TTL: variants seen among roughly 807,000 people sequenced by gnomAD.
TTL encodes the protein tubulin tyrosine ligase.
TTL carries 10 observed loss-of-function variants against 41.1 expected under a neutral mutation model. The observed-to-expected ratio is 0.24, with a 90% CI of 0.15 to 0.41. The LOEUF (loss-of-function observed/expected upper bound fraction) is 0.41, where lower values mean the gene tolerates loss of function less well. Among genes scored for constraint, TTL ranks in the 10% least tolerant of loss-of-function variants. The pLI is 1.00. For missense variants in TTL, 367 were observed against 460.4 expected, an observed-to-expected ratio of 0.80 and a Z score of 1.86; for synonymous variants, 175 against 175.5, an observed-to-expected ratio of 1.00 and a Z score of 0.02.
rs1328857984 is a variant in TTL at position 112,530,438 on chromosome 2, T to C, written c.*1643T>C. 9 of 229,128 alleles carry C rather than the reference T, an allele frequency of 3.9e-5. No homozygotes were observed. The highest frequency in any genetic ancestry group is 6.1e-5 in the Non-Finnish European group (7 of 115,510). The allele number at this position is 229,128 out of a possible 1,614,324, so 14.2% of individuals were successfully genotyped here. On this transcript the variant is annotated 3_prime_UTR_variant, in exon 7 of 7. Transcript: ENST00000233336. ...GAATACAGATTTAAAAGTTTGCCTG[T>C]AGAGCAAAATAAAACAGTCAGTTGT...
chr2:112,490,410 C>A lies in TTL; in HGVS notation c.237-3733C>A, dbSNP rs575869990. Among the ~76,000 whole-genome samples the A allele has an allele frequency of 2.6e-5, 4 of 152,096 alleles. No homozygotes were observed. The South Asian group carries it at 8.3e-4, about 32-fold the overall frequency. On this transcript the variant is annotated intron_variant, in intron 2 of 6. Transcript: ENST00000233336. ...TCCAGCCTGGGCAACAGAACCAAAC[C>A]CTGTCTCGGATAAACAAACAAACAA...
Position 112,538,016 on chromosome 2 carries a change from T to A in TTL, c.*9221T>A, listed in dbSNP as rs1259791812. ...TTAAAAGAATTGAAATTATACTACATATGTTCTCTGACCATGTTGGAATAA... is the reference window on the plus strand; with the variant it reads ...TTAAAAGAATTGAAATTATACTACAAATGTTCTCTGACCATGTTGGAATAA... On this transcript the variant is annotated 3_prime_UTR_variant, in exon 7 of 7. Transcript: ENST00000233336. The A allele has an allele frequency of 6.6e-6, 1 of 152,246 alleles. No individual in the cohort carries two copies. The highest frequency in any genetic ancestry group is 2.4e-5 in the African/African-American group (1 of 41,460). 9.4% of individuals were successfully genotyped at this position (152,246 alleles called of 1,614,324 possible).
intron 5 of TTL, among the ~76,000 whole-genome samples, chr2:112,517,859 C>T (rs993788009): frequency 3.3e-5 from 5 of 151,436 alleles, no homozygotes; most frequent in Non-Finnish European, 1.5e-5. Context: ...TTGGGAGGAT[C>T]GCTTGAGCTC....
chr2:112,510,597 G>A (rs977097594), intron 5 of TTL, among the ~76,000 whole-genome samples: 1 of 151,556 alleles, frequency 6.6e-6, no homozygotes, highest in South Asian at 2.1e-4. Flanking sequence ...TCAGCCTCCC[G>A]TGTAGCTGGG....
At chr2:112,516,954 C>T (rs561440817) in intron 5 of TTL, among the ~76,000 whole-genome samples, 1 of 151,978 alleles carries the variant, frequency 6.6e-6, no homozygotes, top group African/African-American at 2.4e-5. Context: ...TGGAAGTTTG[C>T]GGCATCCTTT....
In TTL at chr2:112,482,538, AGCGGCCCTGCGCGCCTCCC is replaced by A. The variant is rs1681118994; in HGVS notation, c.157+45_157+63del. 3 of 1,562,840 alleles carry A rather than the reference AGCGGCCCTGCGCGCCTCCC, an allele frequency of 1.9e-6. No individual in the cohort carries two copies. The highest frequency in any genetic ancestry group is 1.7e-6 in the Non-Finnish European group (2 of 1,152,030). On this transcript the variant is annotated intron_variant, in intron 1 of 6. Coordinates refer to ENST00000233336, the MANE Select transcript of TTL (RefSeq NM_153712.5). The surrounding 1 kb of genome is among the most constrained non-coding windows in gnomAD (Gnocchi z 5.3). Reference sequence around the variant, plus strand: ...CCCGATTCCCGTCTGCCCTCCTCGGAGCGGCCCTGCGCGCCTCCCGCGGCCCGTTAGAACCGGCGCTTTT... The same window carrying A: ...CCCGATTCCCGTCTGCCCTCCTCGGAGCGGCCCGTTAGAACCGGCGCTTTT...
chr2:112,497,265 C>T (rs1488359487), intron 3 of TTL, among the ~76,000 whole-genome samples: 7 of 152,062 alleles, frequency 4.6e-5, no homozygotes, highest in Non-Finnish European at 1.5e-5. Flanking sequence ...ATCTTCCCAC[C>T]TCAAGCCTCC....
rs1333278428 is a variant in TTL, at chr2:112,482,935, C to T, written c.157+434C>T. Among the ~76,000 whole-genome samples the T allele has an allele frequency of 1.3e-5, 2 of 152,130 alleles. No individual in the cohort carries two copies. The highest frequency in any genetic ancestry group is 2.4e-5 in the African/African-American group (1 of 41,426). On this transcript the variant is annotated intron_variant, in intron 1 of 6. Coordinates refer to ENST00000233336, the MANE Select transcript of TTL (RefSeq NM_153712.5). The surrounding 1 kb of genome is among the most constrained non-coding windows in gnomAD (Gnocchi z 5.3). ...GCACTGAGGATTTCTCCCTGCTTGG[C>T]GTGGGCGCGGGCGGGGGAGCCGTAG... is the stretch of plus-strand genomic sequence containing the variant.
rs2104442263 is a variant in TTL, at chr2:112,482,510, C to T, written c.157+9C>T. 6.3e-7 allele frequency: 1 copy of T among 1,598,540 alleles called. No homozygotes were observed. Among genetic ancestry groups the T allele is most frequent in the Non-Finnish European group, 8.5e-7 (1 of 1,172,168 alleles). ...GCCCTTCGGGAGACTGGGTGAGCCC[C>T]TCCCCGATTCCCGTCTGCCCTCCTC... is the stretch of plus-strand genomic sequence containing the variant. On this transcript the variant is annotated intron_variant, in intron 1 of 6. Transcript: ENST00000233336. This position sits in a 1 kb window ranked among gnomAD's most constrained non-coding sequence, Gnocchi z 5.3.
chr2:112,529,532 G>C lies in TTL; in HGVS notation c.*737G>C, dbSNP rs1268571146. ...TTTACTTAATAGGTTGAATATGGTA[G>C]GTCTTTGAAAATATGATGATTCAAT... is the stretch of plus-strand genomic sequence containing the variant. On this transcript the variant is annotated 3_prime_UTR_variant, in exon 7 of 7. Transcript: ENST00000233336. The C allele has an allele frequency of 4.4e-6, 1 of 229,246 alleles. No individual in the cohort carries two copies. The highest frequency in any genetic ancestry group is 8.7e-6 in the Non-Finnish European group (1 of 115,408). The allele number at this position is 229,246 out of a possible 1,614,324, so 14.2% of individuals were successfully genotyped here. A position where few individuals can be genotyped will look rare whatever the true frequency, so the allele number is the denominator to read the frequency against.
chr2:112,495,088 C>A (rs1463064687), intron 3 of TTL, among the ~76,000 whole-genome samples: 2 of 152,180 alleles, frequency 1.3e-5, no homozygotes, highest in African/African-American at 4.8e-5. Context: ...TCCTTCTATC[C>A]TCAGCTTTGC....
At chr2:112,502,444 C>T (rs955377500) in intron 4 of TTL, among the ~76,000 whole-genome samples, 3 of 152,004 alleles carry the variant, frequency 2.0e-5, no homozygotes, top group Non-Finnish European at 2.9e-5. Flanking sequence ...TGAGACCAGC[C>T]TGGCTAACAT....
chr2:112,520,210 C>T (rs1270561154), intron 5 of TTL, 72 bp from the exon 6 acceptor site: 3 of 1,520,928 alleles, frequency 2.0e-6, no homozygotes, highest in South Asian at 1.1e-5. Flanking sequence ...TAAAATCTTT[C>T]AAGCACACCT....
rs1177444633 is a variant in TTL at position 112,540,113 on chromosome 2, C to G, written c.*11318C>G. The G allele has an allele frequency of 6.6e-6, 1 of 152,144 alleles. No homozygotes were observed. The highest frequency in any genetic ancestry group is 2.4e-5 in the African/African-American group (1 of 41,434). The allele number at this position is 152,144 out of a possible 1,614,324, so 9.4% of individuals were successfully genotyped here. A position where few individuals can be genotyped will look rare whatever the true frequency, so the allele number is the denominator to read the frequency against. ...ATTGATCTACCAATTGAACACAATC[C>G]TGATCAAGAATCTCAGCCTTCTTTG... On this transcript the variant is annotated 3_prime_UTR_variant, in exon 7 of 7. Transcript: ENST00000233336.
At position 112,528,711 on chromosome 2, in the gene TTL, C is replaced by T. The variant is rs553581163; in HGVS notation, c.1050C>T (p.Ile350=). Residue 350 remains isoleucine, a synonymous_variant, in exon 7 of 7, where the codon ATC becomes ATT. Transcript: ENST00000233336. ...TCTATGCAGAACTGTGCCAAGGCATCGTGGACATAGCCATTTCCAGTGTCT... is the reference window on the plus strand; with the variant it reads ...TCTATGCAGAACTGTGCCAAGGCATTGTGGACATAGCCATTTCCAGTGTCT... ...QKLYAELCQG[I]VDIAISSVFP... 4.5e-5 allele frequency: 73 copies of T among 1,613,980 alleles called. No individual in the cohort carries two copies. The highest frequency in any genetic ancestry group is 2.2e-4 in the Admixed American group (13 of 59,990).
rs775848681 is a variant in TTL at position 112,531,169 on chromosome 2, G to A, written c.*2374G>A. 15 of 216,124 alleles carry A rather than the reference G, an allele frequency of 6.9e-5. No individual in the cohort carries two copies. The highest frequency in any genetic ancestry group is 9.3e-5 in the Non-Finnish European group (10 of 107,102). 13.4% of individuals were successfully genotyped at this position (216,124 alleles called of 1,614,324 possible). On this transcript the variant is annotated 3_prime_UTR_variant, in exon 7 of 7. Coordinates refer to ENST00000233336, the MANE Select transcript of TTL (RefSeq NM_153712.5). ...TTTATGTATTTATTTCTGTTCATGC[G>A]GAATGATTGGTTCAGAACTGTTCCT...
At position 112,482,900 on chromosome 2, in the gene TTL, C is replaced by T. The variant is rs907299834; in HGVS notation, c.157+399C>T. Among the ~76,000 whole-genome samples, 2 of 152,324 alleles carry T rather than the reference C, an allele frequency of 1.3e-5. No individual in the cohort carries two copies. The highest frequency in any genetic ancestry group is 2.4e-5 in the African/African-American group (1 of 41,596). ...AGCGGGCGGCTGGAGTCATCTTTTG[C>T]AGCTCGTCTGCACTGAGGATTTCTC... is the stretch of plus-strand genomic sequence containing the variant. On this transcript the variant is annotated intron_variant, in intron 1 of 6. Coordinates refer to ENST00000233336, the MANE Select transcript of TTL (RefSeq NM_153712.5). This position sits in a 1 kb window ranked among gnomAD's most constrained non-coding sequence, Gnocchi z 5.3.
rs1426829012 is a variant in TTL, at chr2:112,529,032, A to G, written c.*237A>G. 8 of 553,918 alleles carry G rather than the reference A, an allele frequency of 1.4e-5. No homozygotes were observed. The highest frequency in any genetic ancestry group is 2.6e-5 in the Non-Finnish European group (8 of 308,518). The allele number at this position is 553,918 out of a possible 1,614,324, so 34.3% of individuals were successfully genotyped here. A position where few individuals can be genotyped will look rare whatever the true frequency, so the allele number is the denominator to read the frequency against. ...TGAGACTTTTGAAAACAACTTTGGT[A>G]CACAAAGGCAGCTTTGTGAGCAGAG... On this transcript the variant is annotated 3_prime_UTR_variant, in exon 7 of 7. Coordinates refer to ENST00000233336, the MANE Select transcript of TTL (RefSeq NM_153712.5).
chr2:112,521,903 A>G lies in TTL; in HGVS notation c.1019+1478A>G, dbSNP rs371609764. Among the ~76,000 whole-genome samples, 7 of 152,326 alleles carry G rather than the reference A, an allele frequency of 4.6e-5. No homozygotes were observed. The South Asian group carries it at 1.4e-3, about 32-fold the overall frequency. On this transcript the variant is annotated intron_variant, in intron 6 of 6. Coordinates refer to ENST00000233336, the MANE Select transcript of TTL (RefSeq NM_153712.5). ...GAACTGAGATCTGAAGGCCAAACGC[A>G]AGTTAGATGGGCTAAGGGCGGAATA...
Sources: allele counts gnomAD v4.1 joint callset (sites outside exome capture counted in the v4.1 genomes callset), GRCh38; gene constraint gnomAD v4.1.1; non-coding constraint Gnocchi (gnomAD v3.1); transcripts MANE v1.5; gene names NCBI Gene and HGNC (gene_info 2026-07-23, HGNC 2026-07-21).